RMRP: variants seen among roughly 807,000 people sequenced by gnomAD.
The protein encoded by RMRP is RNA component of mitochondrial RNA processing endoribonuclease, also known as RNase MRP RNA.
At chr9:35,657,929 GC>G (rs773125557) in exon 1 of RMRP, 14 of 700,356 alleles carry the variant, frequency 2.0e-5, no homozygotes, top group African/African-American at 5.2e-5. Flanking sequence ...GGCACTCTCT[GC>G]CCGAGGTCCG....
chr9:35,658,013 C>A (rs552002151), exon 1 of RMRP: 1 of 691,520 alleles, frequency 1.4e-6, no homozygotes, highest in African/African-American at 1.8e-5. Flanking sequence ...GCCTTCAGCA[C>A]GAACCACGTC....
rs1554651353 is a variant in RMRP at position 35,658,015 on chromosome 9, A to AACCACGTCCTCAGCTTCACAG, written n.2_3insCTGTGAAGCTGAGGACGTGGT. On this transcript the variant is annotated non_coding_transcript_exon_variant, in exon 1 of 1. Transcript: ENST00000363046. ...GCCTAGGATACAGGCCTTCAGCACG[A>AACCACGTCCTCAGCTTCACAG]ACCACGTCCTCAGCTTCACAGAGTA... 5.8e-6 allele frequency: 4 copies of AACCACGTCCTCAGCTTCACAG among 690,938 alleles called. No homozygotes were observed. Among genetic ancestry groups the AACCACGTCCTCAGCTTCACAG allele is most frequent in the South Asian group, 4.5e-5 (3 of 67,224 alleles). 42.8% of individuals were successfully genotyped at this position (690,938 alleles called of 1,614,324 possible).
Position 35,657,840 on chromosome 9 carries a change from C to T in RMRP, n.178G>A, listed in dbSNP as rs1287720442. 4.3e-6 allele frequency: 3 copies of T among 693,478 alleles called. No homozygotes were observed. Among genetic ancestry groups the T allele is most frequent in the Non-Finnish European group, 7.8e-6 (3 of 384,752 alleles). 43.0% of individuals were successfully genotyped at this position (693,478 alleles called of 1,614,324 possible). ...AGGGAGCTGACGGATGACGCCCCCG[C>T]GCCACGCCGCTCAGCGGGATACGCT... is the stretch of plus-strand genomic sequence containing the variant. On this transcript the variant is annotated non_coding_transcript_exon_variant, in exon 1 of 1. Coordinates refer to ENST00000363046, the Ensembl canonical transcript of RMRP.
In RMRP at chr9:35,657,757, G is replaced by C. The variant is rs533294975; in HGVS notation, n.261C>G. ...GTGGTCTCGGGAACAAAAAACAGCC[G>C]CGCTGAGAATGAGCCCCGTGTGGTT... On this transcript the variant is annotated non_coding_transcript_exon_variant, in exon 1 of 1. Coordinates refer to ENST00000363046, the Ensembl canonical transcript of RMRP. 3 of 685,998 alleles carry C rather than the reference G, an allele frequency of 4.4e-6. No homozygotes were observed. The highest frequency in any genetic ancestry group is 3.5e-5 in the African/African-American group (2 of 56,956). 42.5% of individuals were successfully genotyped at this position (685,998 alleles called of 1,614,324 possible). A position where few individuals can be genotyped will look rare whatever the true frequency, so the allele number is the denominator to read the frequency against.
At chr9:35,657,778 T>A (rs1038523315) in exon 1 of RMRP, 4 of 696,688 alleles carry the variant, frequency 5.7e-6, no homozygotes, top group African/African-American at 5.2e-5. Context: ...GAGCCCCGTG[T>A]GGTTGGTGCG....
chr9:35,657,882 A>G, exon 1 of RMRP: 6 of 694,878 alleles, frequency 8.6e-6, no homozygotes, highest in South Asian at 7.4e-5. Flanking sequence ...CGGACTTTGG[A>G]GTGGGAAGCG....
rs1372572486 is a variant in RMRP, at chr9:35,657,936, G to C, written n.82C>G. The C allele has an allele frequency of 5.7e-6, 4 of 700,346 alleles. No homozygotes were observed. In the African/African-American group the frequency reaches 7.0e-5, roughly 12 times the overall value. 43.4% of individuals were successfully genotyped at this position (700,346 alleles called of 1,614,324 possible). A position where few individuals can be genotyped will look rare whatever the true frequency, so the allele number is the denominator to read the frequency against. ...ATGCACGTGGCACTCTCTGCCCGAG[G>C]TCCGGGGACTTTCCCCTAGGCGGAA... is the stretch of plus-strand genomic sequence containing the variant. On this transcript the variant is annotated non_coding_transcript_exon_variant, in exon 1 of 1. Coordinates refer to ENST00000363046, the Ensembl canonical transcript of RMRP.
rs7021642 is a variant in RMRP, at chr9:35,657,841, G to C, written n.177C>G. 3 of 700,338 alleles carry C rather than the reference G, an allele frequency of 4.3e-6. No homozygotes were observed. The highest frequency in any genetic ancestry group is 2.7e-5 in the East Asian group (1 of 37,280). The allele number at this position is 700,338 out of a possible 1,614,324, so 43.4% of individuals were successfully genotyped here. ...GGGAGCTGACGGATGACGCCCCCGCGCCACGCCGCTCAGCGGGATACGCTT... is the reference window on the plus strand; with the variant it reads ...GGGAGCTGACGGATGACGCCCCCGCCCCACGCCGCTCAGCGGGATACGCTT... On this transcript the variant is annotated non_coding_transcript_exon_variant, in exon 1 of 1. Coordinates refer to ENST00000363046, the Ensembl canonical transcript of RMRP.
At position 35,657,905 on chromosome 9, in the gene RMRP, G is replaced by C. The variant is rs769331218; in HGVS notation, n.113C>G. 35 of 699,102 alleles carry C rather than the reference G, an allele frequency of 5.0e-5. No homozygotes were observed. Among genetic ancestry groups the C allele is most frequent in the Middle Eastern group, 3.6e-4 (1 of 2,758 alleles). The allele number at this position is 699,102 out of a possible 1,614,324, so 43.3% of individuals were successfully genotyped here. ...GGAGTGGGAAGCGGGGAATGTCTAC[G>C]TGCGTATGCACGTGGCACTCTCTGC... On this transcript the variant is annotated non_coding_transcript_exon_variant, in exon 1 of 1. Coordinates refer to ENST00000363046, the Ensembl canonical transcript of RMRP.
rs1032219537 is a variant in RMRP at position 35,657,964 on chromosome 9, G to A, written n.54C>T. On this transcript the variant is annotated non_coding_transcript_exon_variant, in exon 1 of 1. Transcript: ENST00000363046. ...CGGGGACTTTCCCCTAGGCGGAAAG[G>A]GGAGGAACAGAGTCCTCAGTGTGTA... 4.9e-5 allele frequency: 34 copies of A among 700,312 alleles called. No individual in the cohort carries two copies. The highest frequency in any genetic ancestry group is 3.6e-4 in the Middle Eastern group (1 of 2,760). 43.4% of individuals were successfully genotyped at this position (700,312 alleles called of 1,614,324 possible). A position where few individuals can be genotyped will look rare whatever the true frequency, so the allele number is the denominator to read the frequency against.
rs769169620 is a variant in RMRP, at chr9:35,658,002, G to A, written n.16C>T. 15 of 696,122 alleles carry A rather than the reference G, an allele frequency of 2.2e-5. No individual in the cohort carries two copies. Among genetic ancestry groups the A allele is most frequent in the Middle Eastern group, 3.6e-4 (1 of 2,746 alleles). 43.1% of individuals were successfully genotyped at this position (696,122 alleles called of 1,614,324 possible). A position where few individuals can be genotyped will look rare whatever the true frequency, so the allele number is the denominator to read the frequency against. On this transcript the variant is annotated non_coding_transcript_exon_variant, in exon 1 of 1. Coordinates refer to ENST00000363046, the Ensembl canonical transcript of RMRP. The stretch of plus-strand genomic sequence containing the variant: ...TCCTCAGTGTGTAGCCTAGGATACA[G>A]GCCTTCAGCACGAACCACGTCCTCA...
exon 1 of RMRP, chr9:35,657,943 G>C (rs902757638): frequency 8.6e-6 from 6 of 700,350 alleles, no homozygotes; most frequent in Non-Finnish European, 1.3e-5. Context: ...GAGGTCCGGG[G>C]ACTTTCCCCT....
rs1345047056 is a variant in RMRP, at chr9:35,657,773, C to T, written n.245G>A. Reference sequence around the variant, plus strand: ...AAAACAGCCGCGCTGAGAATGAGCCCCGTGTGGTTGGTGCGCGGACACGCA... The same window carrying T: ...AAAACAGCCGCGCTGAGAATGAGCCTCGTGTGGTTGGTGCGCGGACACGCA... On this transcript the variant is annotated non_coding_transcript_exon_variant, in exon 1 of 1. Coordinates refer to ENST00000363046, the Ensembl canonical transcript of RMRP. 1 of 696,400 alleles carries T rather than the reference C, an allele frequency of 1.4e-6. No individual in the cohort carries two copies. The highest frequency in any genetic ancestry group is 2.6e-6 in the Non-Finnish European group (1 of 381,490). 43.1% of individuals were successfully genotyped at this position (696,400 alleles called of 1,614,324 possible). A position where few individuals can be genotyped will look rare whatever the true frequency, so the allele number is the denominator to read the frequency against.
At chr9:35,657,915 A>G (rs1406322347) in exon 1 of RMRP, 1 of 700,168 alleles carries the variant, frequency 1.4e-6, no homozygotes, top group East Asian at 2.7e-5. Context: ...GTGCGTATGC[A>G]CGTGGCACTC....
upstream of RMRP, chr9:35,658,017 C>CCACGTCCTCAGCTTCACAGAGTAGTAT (rs1554651385): frequency 2.9e-6 from 2 of 690,272 alleles, no homozygotes; most frequent in Admixed American, 2.0e-5. Context: ...TCAGCACGAA[C>CCACGTCCTCAGCTTCACAGAGTAGTAT]CACGTCCTCA....
chr9:35,657,876 C>G lies in RMRP; in HGVS notation n.142G>C, dbSNP rs113967059. On this transcript the variant is annotated non_coding_transcript_exon_variant, in exon 1 of 1. Transcript: ENST00000363046. The stretch of plus-strand genomic sequence containing the variant: ...TCAGCGGGATACGCTTCTTGGCGGA[C>G]TTTGGAGTGGGAAGCGGGGAATGTC... 2.1e-5 allele frequency: 15 copies of G among 700,352 alleles called. No homozygotes were observed. Among genetic ancestry groups the G allele is most frequent in the Admixed American group, 1.0e-4 (5 of 49,994 alleles). 43.4% of individuals were successfully genotyped at this position (700,352 alleles called of 1,614,324 possible).
At position 35,657,933 on chromosome 9, in the gene RMRP, G is replaced by C. The variant is rs545284014; in HGVS notation, n.85C>G. 45 of 700,338 alleles carry C rather than the reference G, an allele frequency of 6.4e-5. No individual in the cohort carries two copies. Among genetic ancestry groups the C allele is most frequent in the Admixed American group, 1.0e-4 (5 of 49,992 alleles). The allele number at this position is 700,338 out of a possible 1,614,324, so 43.4% of individuals were successfully genotyped here. A position where few individuals can be genotyped will look rare whatever the true frequency, so the allele number is the denominator to read the frequency against. ...CGTATGCACGTGGCACTCTCTGCCCGAGGTCCGGGGACTTTCCCCTAGGCG... is the reference window on the plus strand; with the variant it reads ...CGTATGCACGTGGCACTCTCTGCCCCAGGTCCGGGGACTTTCCCCTAGGCG... On this transcript the variant is annotated non_coding_transcript_exon_variant, in exon 1 of 1. Transcript: ENST00000363046.
At chr9:35,658,012 A>G (rs587781140) in exon 1 of RMRP, 2 of 692,618 alleles carry the variant, frequency 2.9e-6, no homozygotes, top group Non-Finnish European at 5.3e-6. Flanking sequence ...GGCCTTCAGC[A>G]CGAACCACGT....
chr9:35,657,891 C>CG (rs1554651193), exon 1 of RMRP: 1 of 700,434 alleles, frequency 1.4e-6, no homozygotes, highest in Non-Finnish European at 2.6e-6. Context: ...GAGTGGGAAG[C>CG]GGGGAATGTC....
Sources: gnomAD v4.1 joint callset for allele counts on GRCh38, gnomAD v4.1.1 for gene constraint, MANE v1.5 for transcripts, NCBI Gene and HGNC (gene_info 2026-07-23, HGNC 2026-07-21) for gene names.